The following M1AP variants were observed in gnomAD, a reference collection of about 807,000 sequenced individuals.
M1AP encodes the protein meiosis 1 arrest protein.
Under a neutral mutation model 51.2 loss-of-function variants are expected in M1AP, and 39 were observed. The observed-to-expected ratio is 0.76, with a 90% CI of 0.59 to 1.00. The LOEUF is 1.00. Ranked by LOEUF, M1AP falls within the 50% of genes least tolerant of loss-of-function variation. The probability of loss-of-function intolerance (pLI) is 0.00; values close to 1 mark genes in which losing one functional copy is unlikely to be tolerated. For missense variants in M1AP, 545 were observed against 641.2 expected (o/e 0.85, Z 1.62); for synonymous variants, 251 against 249.2 (o/e 1.01, Z -0.07).
chr2:74,637,017 A>AT (rs1683023608), intron 2 of M1AP, among the ~76,000 whole-genome samples: 1 of 152,122 alleles, frequency 6.6e-6, no homozygotes, highest in Non-Finnish European at 1.5e-5. Flanking sequence ...AATTTTGGCC[A>AT]TTTTTTAAAA....
intron 2 of M1AP, among the ~76,000 whole-genome samples, chr2:74,618,482 C>A (rs957110155): frequency 1.3e-5 from 2 of 152,182 alleles, no homozygotes; most frequent in East Asian, 3.9e-4. Flanking sequence ...GCCCTTGAAC[C>A]CCTTCAGTCA....
intron 5 of M1AP, among the ~76,000 whole-genome samples, chr2:74,578,274 ATACTT>A (rs1679200211): frequency 6.6e-6 from 1 of 152,170 alleles, no homozygotes; most frequent in African/African-American, 2.4e-5. Context: ...GTATTTTATT[ATACTT>A]TAAGTTTTGG....
At chr2:74,571,984 C>T (rs1317928948) in intron 7 of M1AP, among the ~76,000 whole-genome samples, 2 of 144,836 alleles carry the variant, frequency 1.4e-5, no homozygotes, top group Admixed American at 7.1e-5. Context: ...GCAACAAGAG[C>T]GAAACTCCGT....
intron 2 of M1AP, among the ~76,000 whole-genome samples, chr2:74,629,582 C>T (rs1276953599): frequency 6.6e-6 from 1 of 152,110 alleles, no homozygotes; most frequent in Non-Finnish European, 1.5e-5. Flanking sequence ...GAAACCCCAT[C>T]TCTACCAGAA....
intron 4 of M1AP, among the ~76,000 whole-genome samples, chr2:74,606,060 G>A (rs1305361870): frequency 2.6e-5 from 4 of 152,176 alleles, no homozygotes; most frequent in African/African-American, 7.2e-5. Flanking sequence ...CCAGCCGGGG[G>A]AACAGAGGCC....
intron 1 of M1AP, chr2:74,647,322 T>C (rs374283945): frequency 1.0e-6 from 1 of 985,362 alleles, no homozygotes; most frequent in Non-Finnish European, 1.2e-6. Flanking sequence ...GGATGTTCTG[T>C]TCCGTGCTGA....
chr2:74,569,356 T>C (rs1011416739), intron 7 of M1AP, among the ~76,000 whole-genome samples: 7 of 151,494 alleles, frequency 4.6e-5, no homozygotes, highest in African/African-American at 1.7e-4. Context: ...GTGTGTGTCA[T>C]GCACCTTCTC....
chr2:74,639,295 T>C (rs1199007134), intron 2 of M1AP, among the ~76,000 whole-genome samples: 1 of 152,254 alleles, frequency 6.6e-6, no homozygotes, highest in East Asian at 1.9e-4. Context: ...TTTCCTCTTT[T>C]GGAAATCTTA....
intron 2 of M1AP, among the ~76,000 whole-genome samples, chr2:74,627,761 C>T (rs1682484869): frequency 2.0e-5 from 3 of 152,066 alleles, no homozygotes; most frequent in Non-Finnish European, 4.4e-5. Context: ...TAGTTAATAC[C>T]ACTAGCCCTA....
At chr2:74,603,863 G>T (rs1461171882) in intron 4 of M1AP, among the ~76,000 whole-genome samples, 1 of 152,146 alleles carries the variant, frequency 6.6e-6, no homozygotes, top group Non-Finnish European at 1.5e-5. Flanking sequence ...AGATGGGAGG[G>T]GGAGGAAGAG....
chr2:74,591,909 C>T (rs569925104), intron 4 of M1AP, among the ~76,000 whole-genome samples: 78 of 152,210 alleles, frequency 5.1e-4, no homozygotes, highest in Non-Finnish European at 9.1e-4. Flanking sequence ...CCTCAGCCTT[C>T]TGAGTAGCTG....
chr2:74,606,056 G>A (rs920319297), intron 4 of M1AP, among the ~76,000 whole-genome samples: 3 of 152,150 alleles, frequency 2.0e-5, no homozygotes, highest in East Asian at 1.9e-4. Context: ...CTGCCCAGCC[G>A]GGGGAACAGA....
intron 2 of M1AP, among the ~76,000 whole-genome samples, chr2:74,633,978 C>T (rs1054607609): frequency 1.3e-5 from 2 of 152,110 alleles, no homozygotes; most frequent in African/African-American, 4.8e-5. Context: ...CAGCTCCTTA[C>T]ATAAATACTC....
At position 74,607,125 on chromosome 2, in the gene M1AP, G is replaced by A. The variant is rs139333328; in HGVS notation, c.525C>T (p.Val175=). 155 of 1,613,936 alleles carry A rather than the reference G, an allele frequency of 9.6e-5. No homozygotes were observed. The highest frequency in any genetic ancestry group is 1.2e-4 in the Non-Finnish European group (144 of 1,179,996). ...TDLARVRRFQ[V]VEVTKGILEH... ...CTAGGATTCCCTTTGTGACCTCAAC[G>A]ACCTGAAACCTCCTGACTCTGGCTA... is the stretch of plus-strand genomic sequence containing the variant. Residue 175 remains valine, a synonymous_variant, in exon 4 of 11, where the codon GTC becomes GTT. Coordinates refer to ENST00000421985, the MANE Select transcript of M1AP (RefSeq NM_001321739.2).
chr2:74,575,471 C>T lies in M1AP; in HGVS notation c.1041G>A (p.Gln347=). 1 of 1,614,156 alleles carries T rather than the reference C, an allele frequency of 6.2e-7. No individual in the cohort carries two copies. Among genetic ancestry groups the T allele is most frequent in the Non-Finnish European group, 8.5e-7 (1 of 1,180,024 alleles). Residue 347 remains glutamine (Q), a synonymous_variant, in exon 7 of 11, where the codon CAG becomes CAA. Transcript: ENST00000421985. ...QLDWDELETN[Q]QHFHALCHSL... ...TGTGACACAAAGCATGGAAATGTTG[C>T]TGATTTGTCTCCAGCTCATCCCAGT...
chr2:74,607,172 C>G lies in M1AP; in HGVS notation c.478G>C (p.Glu160Gln). Residue 160 changes from glutamate to glutamine, a missense_variant, in exon 4 of 11, where the codon GAA (glutamate) becomes CAA (glutamine). Physicochemically the swap from Glu to Gln is conservative, Grantham distance 29. Transcript: ENST00000421985. ...GCTAGGTCTGTATCTTTCAACCCTT[C>G]CTCCAACTGTTTGACCACCTCTTTT... is the stretch of plus-strand genomic sequence containing the variant. ...PGKEVVKQLEEGLKDTDLARV... is the reference protein window; with the variant it reads ...PGKEVVKQLEQGLKDTDLARV... 1 of 1,614,164 alleles carries G rather than the reference C, an allele frequency of 6.2e-7. No homozygotes were observed. Among genetic ancestry groups the G allele is most frequent in the Admixed American group, 1.7e-5 (1 of 60,022 alleles).
At chr2:74,620,341 A>C (rs1190733452) in intron 2 of M1AP, among the ~76,000 whole-genome samples, 1 of 152,276 alleles carries the variant, frequency 6.6e-6, no homozygotes, top group African/African-American at 2.4e-5. Flanking sequence ...AGGTGTTTAG[A>C]AGAAAAGAAA....
At chr2:74,601,355 T>C (rs1290795800) in intron 4 of M1AP, among the ~76,000 whole-genome samples, 2 of 152,084 alleles carry the variant, frequency 1.3e-5, no homozygotes, top group Non-Finnish European at 1.5e-5. Context: ...TGGTATGGTA[T>C]AGTCTCATTT....
chr2:74,626,597 T>G (rs1052403883), intron 2 of M1AP, among the ~76,000 whole-genome samples: 3 of 152,206 alleles, frequency 2.0e-5, no homozygotes, highest in Non-Finnish European at 4.4e-5. Context: ...CTTGTTTAAA[T>G]CACTGTGTGG....
Sources: gnomAD v4.1 joint callset for allele counts (sites outside exome capture counted in the v4.1 genomes callset) on GRCh38, gnomAD v4.1.1 for gene constraint, MANE v1.5 for transcripts, NCBI Gene and HGNC (gene_info 2026-07-23, HGNC 2026-07-21) for gene names.